KDM4C: variants seen among roughly 807,000 people sequenced by gnomAD.
KDM4C encodes lysine-specific demethylase 4C.
In KDM4C, 81 loss-of-function variants were observed where a neutral mutation model predicts 129.3. The ratio of observed to expected loss-of-function variants is 0.63; its 90% CI spans 0.52 to 0.75. The LOEUF (loss-of-function observed/expected upper bound fraction) is 0.75. Ranked by LOEUF, KDM4C falls within the 30% of genes least tolerant of loss-of-function variation. The pLI is 0.00. For missense variants in KDM4C, 1,457 were observed against 1,304.0 expected (o/e 1.12, Z -1.81); for synonymous variants, 573 against 456.1 (o/e 1.26, Z -3.26).
chr9:6,767,574 A>G (rs1345024959), intron 1 of KDM4C, among the ~76,000 whole-genome samples: 1 of 152,136 alleles, frequency 6.6e-6, no homozygotes, highest in Non-Finnish European at 1.5e-5. Context: ...AGCTGGGACT[A>G]CAGGCACCTG....
At chr9:6,876,330 T>C (rs985434497) in intron 5 of KDM4C, among the ~76,000 whole-genome samples, 1 of 152,120 alleles carries the variant, frequency 6.6e-6, no homozygotes, top group African/African-American at 2.4e-5. Flanking sequence ...CATTCCGTGT[T>C]GTTCTGTGAG....
chr9:6,850,139 A>G (rs1838578288), intron 5 of KDM4C, among the ~76,000 whole-genome samples: 1 of 152,200 alleles, frequency 6.6e-6, no homozygotes, highest in Non-Finnish European at 1.5e-5. Context: ...TAGATCCACT[A>G]TCTAGATTTG....
intron 15 of KDM4C, among the ~76,000 whole-genome samples, chr9:7,029,991 G>T (rs1035778104): frequency 2.0e-5 from 3 of 152,082 alleles, no homozygotes; most frequent in African/African-American, 7.2e-5. Context: ...AATTCTTGGA[G>T]GTCAGGCAGG....
chr9:7,058,728 C>T (rs920497266), intron 17 of KDM4C, among the ~76,000 whole-genome samples: 6 of 152,206 alleles, frequency 3.9e-5, no homozygotes, highest in African/African-American at 1.4e-4. Context: ...GCCTTGTTTA[C>T]ATTCCGTGTG....
rs554158758 is a variant in KDM4C, at chr9:6,917,036, T to C, written c.921+23804T>C. Among the ~76,000 whole-genome samples, 12 of 152,252 alleles carry C rather than the reference T, an allele frequency of 7.9e-5. No homozygotes were observed. The South Asian group carries it at 2.5e-3, about 32-fold the overall frequency. Reference sequence around the variant, plus strand: ...GATTGTTGAGGTCATTCTGTTTTTTTTGTTGTTGTTGTTCAAGAGTTAAAA... The same window carrying C: ...GATTGTTGAGGTCATTCTGTTTTTTCTGTTGTTGTTGTTCAAGAGTTAAAA... On this transcript the variant is annotated intron_variant, in intron 8 of 21. Transcript: ENST00000381309.
intron 17 of KDM4C, among the ~76,000 whole-genome samples, chr9:7,064,283 A>G (rs927575804): frequency 8.5e-5 from 13 of 152,178 alleles, no homozygotes; most frequent in Admixed American, 2.0e-4. Flanking sequence ...TATATTGTCA[A>G]TATGATATTT....
intron 6 of KDM4C, among the ~76,000 whole-genome samples, chr9:6,883,539 A>C (rs1451967853): frequency 6.6e-6 from 1 of 152,222 alleles, no homozygotes; most frequent in Non-Finnish European, 1.5e-5. Context: ...GTAATTGGAT[A>C]TTTTATATCC....
At chr9:6,869,904 A>G (rs1230199115) in intron 5 of KDM4C, among the ~76,000 whole-genome samples, 4 of 152,240 alleles carry the variant, frequency 2.6e-5, no homozygotes, top group Non-Finnish European at 2.9e-5. Flanking sequence ...AACTAACAAG[A>G]CTTCATAATT....
intron 4 of KDM4C, among the ~76,000 whole-genome samples, chr9:6,847,786 TG>T: frequency 1.3e-5 from 2 of 152,356 alleles, no homozygotes; most frequent in Non-Finnish European, 2.9e-5. Context: ...TAAGAGAATT[TG>T]GGAATTAAAT....
chr9:7,081,357 T>G (rs2132939247), intron 17 of KDM4C, among the ~76,000 whole-genome samples: 1 of 152,290 alleles, frequency 6.6e-6, no homozygotes, highest in East Asian at 1.9e-4. Flanking sequence ...GAATGCAATT[T>G]CCTAATTTTA....
At chr9:6,896,336 C>T (rs921589911) in intron 8 of KDM4C, among the ~76,000 whole-genome samples, 1 of 152,066 alleles carries the variant, frequency 6.6e-6, no homozygotes, top group African/African-American at 2.4e-5. Flanking sequence ...CCTGCTTTAC[C>T]TGTCACATGG....
At chr9:7,076,672 A>T in intron 17 of KDM4C, 1 of 1,308,950 alleles carries the variant, frequency 7.6e-7, no homozygotes, top group Non-Finnish European at 9.7e-7. Context: ...TTTCCTCTGG[A>T]TCCTCACACC....
chr9:6,918,117 A>C (rs1446312338), intron 8 of KDM4C, among the ~76,000 whole-genome samples: 1 of 152,174 alleles, frequency 6.6e-6, no homozygotes, highest in Non-Finnish European at 1.5e-5. Context: ...TGATCTCATC[A>C]CCCAGGCAGT....
Position 7,011,604 on chromosome 9 carries a change from A to G in KDM4C, c.1787-94A>G. 3.4e-6 allele frequency: 4 copies of G among 1,173,494 alleles called. No homozygotes were observed. In the South Asian group the frequency reaches 5.5e-5, roughly 16 times the overall value. 72.7% of individuals were successfully genotyped at this position (1,173,494 alleles called of 1,614,324 possible). On this transcript the variant is annotated intron_variant, in intron 12 of 21. Coordinates refer to ENST00000381309, the MANE Select transcript of KDM4C (RefSeq NM_015061.6). ...AGGTTTGGTTTCCGGCCTTAATATC[A>G]CAGATTCTGTGGAATGTTTATTTCT...
upstream of KDM4C, chr9:6,757,712 C>T: frequency 2.0e-6 from 2 of 985,596 alleles, no homozygotes; most frequent in Non-Finnish European, 2.4e-6. Context: ...CCTGCGGGAC[C>T]CCAGCCAGCG....
At chr9:6,806,794 G>C (rs1036355661) in intron 3 of KDM4C, among the ~76,000 whole-genome samples, 7 of 152,024 alleles carry the variant, frequency 4.6e-5, no homozygotes, top group Non-Finnish European at 1.0e-4. Flanking sequence ...CAAGTGATCC[G>C]AGAGAGATCG....
At chr9:6,822,450 A>G (rs973182195) in intron 4 of KDM4C, among the ~76,000 whole-genome samples, 1 of 152,228 alleles carries the variant, frequency 6.6e-6, no homozygotes, top group African/African-American at 2.4e-5. Flanking sequence ...TCATTGCAAG[A>G]AAGAAATTGG....
intron 12 of KDM4C, among the ~76,000 whole-genome samples, chr9:6,998,148 G>T (rs1250556342): frequency 2.0e-5 from 3 of 152,202 alleles, no homozygotes; most frequent in African/African-American, 7.2e-5. Context: ...ATTAAAGACA[G>T]CTTACACCCT....
chr9:6,833,107 A>T (rs1055009089), intron 4 of KDM4C, among the ~76,000 whole-genome samples: 1 of 152,014 alleles, frequency 6.6e-6, no homozygotes, highest in Non-Finnish European at 1.5e-5. Context: ...TGAGCATGGG[A>T]TATGGCTGTT....
Sources: gnomAD v4.1 joint callset for allele counts (sites outside exome capture counted in the v4.1 genomes callset) on GRCh38, gnomAD v4.1.1 for gene constraint, MANE v1.5 for transcripts, NCBI Gene and HGNC (gene_info 2026-07-23, HGNC 2026-07-21) for gene names.